Variants in PHIP observed in about 807,000 individuals in gnomAD.
The protein encoded by PHIP is PH-interacting protein.
PHIP carries 54 observed loss-of-function variants against 236.8 expected under a neutral mutation model. The observed-to-expected ratio is 0.23, with a 90% CI of 0.18 to 0.29. The LOEUF (loss-of-function observed/expected upper bound fraction) is 0.29. PHIP is among the 10% of genes least tolerant of loss of function. The pLI is 1.00. For synonymous variants in PHIP, 756 were observed against 718.9 expected (o/e 1.05, Z -0.83); for missense variants, 1,370 against 2,190.8 (o/e 0.63, Z 7.48).
At chr6:79,012,970 T>C (rs1770664695) in intron 15 of PHIP, among the ~76,000 whole-genome samples, 1 of 151,784 alleles carries the variant, frequency 6.6e-6, no homozygotes, top group African/African-American at 2.4e-5. Context: ...TATCACTAAC[T>C]GAGTATTGTT....
Position 78,992,184 on chromosome 6 carries a change from G to A in PHIP, c.2202-1199C>T, listed in dbSNP as rs528188469. On this transcript the variant is annotated intron_variant, in intron 19 of 39. Transcript: ENST00000275034. Reference sequence around the variant, plus strand: ...CCACTGTGCTAGCCAGGATGGTCTCGATCTCCTGACCTCGTGATCCCCCCC... The same window carrying A: ...CCACTGTGCTAGCCAGGATGGTCTCAATCTCCTGACCTCGTGATCCCCCCC... 1.1e-4 allele frequency among the ~76,000 whole-genome samples: 16 copies of A among 151,964 alleles called. No homozygotes were observed. The East Asian group carries it at 1.6e-3, about 15-fold the overall frequency.
At chr6:79,016,144 A>G (rs1770823813) in intron 13 of PHIP, among the ~76,000 whole-genome samples, 1 of 151,958 alleles carries the variant, frequency 6.6e-6, no homozygotes, top group Non-Finnish European at 1.5e-5. Context: ...ATGACTACAC[A>G]CAAATACAAG....
At chr6:78,965,589 A>G (rs2127701112) in intron 29 of PHIP, 114 bp downstream of exon 29, 6 of 641,136 alleles carry the variant, frequency 9.4e-6, no homozygotes, top group Non-Finnish European at 1.7e-5. Flanking sequence ...TGCCAAATGA[A>G]TGTTTTCTAT....
At chr6:79,049,371 T>A (rs1772675223) in intron 6 of PHIP, among the ~76,000 whole-genome samples, 1 of 152,130 alleles carries the variant, frequency 6.6e-6, no homozygotes, top group Admixed American at 6.6e-5. Context: ...CTTGACTAGT[T>A]TTATTCTGTG....
intron 6 of PHIP, among the ~76,000 whole-genome samples, chr6:79,043,326 A>C (rs1333833626): frequency 1.3e-5 from 2 of 152,062 alleles, no homozygotes; most frequent in Non-Finnish European, 2.9e-5. Context: ...TAAAAACCTA[A>C]AGCATTTATA....
At chr6:79,014,969 A>G in intron 15 of PHIP, 113 bp downstream of exon 15, 1 of 732,412 alleles carries the variant, frequency 1.4e-6, no homozygotes, top group Non-Finnish European at 2.2e-6. Context: ...GGGAATTTAA[A>G]GTCAAAATAA....
At chr6:79,047,213 A>G (rs1288691516) in intron 6 of PHIP, among the ~76,000 whole-genome samples, 1 of 152,182 alleles carries the variant, frequency 6.6e-6, no homozygotes, top group East Asian at 1.9e-4. Context: ...ATTAGTAGAG[A>G]TCAACAAAAG....
At chr6:78,973,062 A>G (rs1299462437) in intron 24 of PHIP, among the ~76,000 whole-genome samples, 2 of 152,154 alleles carry the variant, frequency 1.3e-5, no homozygotes, top group Non-Finnish European at 2.9e-5. Flanking sequence ...AGCAACTCCA[A>G]GACACATAAT....
At chr6:79,015,058 T>C (rs371981942) in intron 15 of PHIP, 24 bp downstream of exon 15, 11 of 1,596,590 alleles carry the variant, frequency 6.9e-6, no homozygotes, top group Non-Finnish European at 9.4e-6. Context: ...TTAGTAGGTA[T>C]AAAATGAAGA....
At chr6:78,968,197 G>C (rs1767274082) in intron 27 of PHIP, among the ~76,000 whole-genome samples, 1 of 152,114 alleles carries the variant, frequency 6.6e-6, no homozygotes, top group African/African-American at 2.4e-5. Flanking sequence ...TAAACAATCA[G>C]ATGTACCAAA....
chr6:79,071,057 TAAG>T (rs1408240092), intron 4 of PHIP, among the ~76,000 whole-genome samples: 9 of 152,302 alleles, frequency 5.9e-5, no homozygotes, highest in Non-Finnish European at 1.2e-4. Context: ...AGTTTTAATA[TAAG>T]AAGAAGCTGC....
chr6:79,025,663 C>T (rs983960452), intron 8 of PHIP, 44 bp from the exon 9 acceptor site: 7 of 1,220,004 alleles, frequency 5.7e-6, no homozygotes, highest in Non-Finnish European at 8.3e-6. Flanking sequence ...AAGAGTGACA[C>T]AGTCAAAATA....
intron 4 of PHIP, among the ~76,000 whole-genome samples, chr6:79,065,890 T>C (rs1420935914): frequency 6.6e-6 from 1 of 152,058 alleles, no homozygotes. Flanking sequence ...ATCATATTCA[T>C]ATTCTTCATA....
intron 35 of PHIP, among the ~76,000 whole-genome samples, chr6:78,950,536 T>TATTTGCTTCATA (rs1321454349): frequency 6.6e-6 from 1 of 152,220 alleles, no homozygotes; most frequent in African/African-American, 2.4e-5. Context: ...GTTACTGAGT[T>TATTTGCTTCATA]ATTTGCTTCA....
chr6:78,981,336 G>A (rs1234175433), intron 23 of PHIP, among the ~76,000 whole-genome samples: 4 of 151,906 alleles, frequency 2.6e-5, no homozygotes, highest in African/African-American at 9.7e-5. Flanking sequence ...GAGATAACTA[G>A]AGGACTAGGG....
At chr6:79,007,657 T>TG (rs986035417) in intron 15 of PHIP, among the ~76,000 whole-genome samples, 7 of 67,332 alleles carry the variant, frequency 1.0e-4, no homozygotes, top group African/African-American at 2.4e-4. Flanking sequence ...TCTTGTTCTT[T>TG]TTTTTTTTTT....
In PHIP at chr6:78,941,089, T is replaced by C. The variant is rs754888929; in HGVS notation, c.5070A>G (p.Ser1690=). 6.2e-7 allele frequency: 1 copy of C among 1,614,116 alleles called. No homozygotes were observed. Among genetic ancestry groups the C allele is most frequent in the Non-Finnish European group, 8.5e-7 (1 of 1,179,958 alleles). ...TAGTTTCAGAAAGAAAATTGCATGT[T>C]GAAGAAGGAAGTACTTCATCTCTGA... ...HPIRDEVLPS[S]TCNFLSETNN... is the part of the protein sequence containing the mutation. The change falls in exon 40 of 40, where the codon TCA becomes TCG. Residue 1690 remains serine (S), a synonymous_variant. Transcript: ENST00000275034.
At chr6:79,059,826 CTA>C (rs1332935405) in intron 6 of PHIP, among the ~76,000 whole-genome samples, 1 of 151,540 alleles carries the variant, frequency 6.6e-6, no homozygotes, top group African/African-American at 2.4e-5. Flanking sequence ...AAGTACAACA[CTA>C]TTAAAATATC....
At chr6:78,985,522 C>G (rs1768808397) in intron 21 of PHIP, 94 bp from the exon 22 acceptor site, 3 of 763,988 alleles carry the variant, frequency 3.9e-6, no homozygotes, top group Non-Finnish European at 7.1e-6. Context: ...TAATATCAGT[C>G]ATATTGGGAT....
Sources: allele counts gnomAD v4.1 joint callset (sites outside exome capture counted in the v4.1 genomes callset), GRCh38; gene constraint gnomAD v4.1.1; transcripts MANE v1.5; gene names NCBI Gene and HGNC (gene_info 2026-07-23, HGNC 2026-07-21).